PTPRJ: variants seen among roughly 807,000 people sequenced by gnomAD.
The protein encoded by PTPRJ is receptor-type tyrosine-protein phosphatase eta.
In PTPRJ, 129 loss-of-function variants were observed where a neutral mutation model predicts 141.3. The observed-to-expected ratio is 0.91, with a 90% CI of 0.79 to 1.06. The LOEUF is 1.06. Among genes scored for constraint, PTPRJ ranks in the 50% least tolerant of loss-of-function variants. PTPRJ has a pLI of 0.00. For missense variants in PTPRJ, 1,601 were observed against 1,679.7 expected (o/e 0.95, Z 0.82); for synonymous variants, 610 against 640.5 (o/e 0.95, Z 0.72).
rs909078524 is a variant in PTPRJ at position 48,136,913 on chromosome 11, C to T, written c.1874-90C>T. ...CTAGTTTTATTCATTCTTTCTAAAA[C>T]GAGCCAGGCTATTTTTGGATATAGT... On this transcript the variant is annotated intron_variant, in intron 9 of 24. Coordinates refer to ENST00000418331, the MANE Select transcript of PTPRJ (RefSeq NM_002843.4). 4.2e-5 allele frequency: 56 copies of T among 1,325,566 alleles called. No homozygotes were observed. The Middle Eastern group carries it at 5.6e-4, about 13-fold the overall frequency. 82.1% of individuals were successfully genotyped at this position (1,325,566 alleles called of 1,614,324 possible). A position where few individuals can be genotyped will look rare whatever the true frequency, so the allele number is the denominator to read the frequency against.
chr11:48,033,542 C>G (rs1311782176), intron 1 of PTPRJ, among the ~76,000 whole-genome samples: 1 of 152,150 alleles, frequency 6.6e-6, no homozygotes, highest in African/African-American at 2.4e-5. Flanking sequence ...TTGTTGACAT[C>G]TAATCTGTAT....
At position 48,013,612 on chromosome 11, in the gene PTPRJ, C is replaced by A. The variant is rs191900184; in HGVS notation, c.96+32604C>A. Among the ~76,000 whole-genome samples, 63 of 152,294 alleles carry A rather than the reference C, an allele frequency of 4.1e-4. No homozygotes were observed. The East Asian group carries it at 7.9e-3, about 19-fold the overall frequency. On this transcript the variant is annotated intron_variant, in intron 1 of 24. Coordinates refer to ENST00000418331, the MANE Select transcript of PTPRJ (RefSeq NM_002843.4). ...GCCTGACTGCCAGCCTGCTTGCTGGCTCTCTGGGAGTTGGGGTGGTGGCAT... is the reference window on the plus strand; with the variant it reads ...GCCTGACTGCCAGCCTGCTTGCTGGATCTCTGGGAGTTGGGGTGGTGGCAT...
intron 1 of PTPRJ, among the ~76,000 whole-genome samples, chr11:48,045,334 G>A (rs1186636373): frequency 2.0e-5 from 3 of 152,120 alleles, no homozygotes; most frequent in Non-Finnish European, 2.9e-5. Flanking sequence ...TGCTTTCTCT[G>A]CCCTGATCCC....
chr11:48,042,904 G>A (rs906200236), intron 1 of PTPRJ, among the ~76,000 whole-genome samples: 4 of 151,986 alleles, frequency 2.6e-5, no homozygotes, highest in East Asian at 1.9e-4. Flanking sequence ...TGAAATGTAA[G>A]ACCCAAAGAA....
chr11:48,142,158 A>C (rs949848295), intron 11 of PTPRJ, among the ~76,000 whole-genome samples: 1 of 152,152 alleles, frequency 6.6e-6, no homozygotes, highest in Non-Finnish European at 1.5e-5. Context: ...TTGACTGTAT[A>C]TGTGAGAGTT....
At chr11:48,008,723 C>T (rs1400304588) in intron 1 of PTPRJ, among the ~76,000 whole-genome samples, 1 of 152,080 alleles carries the variant, frequency 6.6e-6, no homozygotes, top group African/African-American at 2.4e-5. Context: ...CGCCACCACG[C>T]CCGGCTAATT....
At chr11:48,085,155 T>A (rs1855665223) in intron 1 of PTPRJ, among the ~76,000 whole-genome samples, 1 of 152,188 alleles carries the variant, frequency 6.6e-6, no homozygotes, top group East Asian at 1.9e-4. Flanking sequence ...CTTTACATTA[T>A]TGTAACAGAG....
At chr11:48,007,981 C>T (rs148956910) in intron 1 of PTPRJ, among the ~76,000 whole-genome samples, 3 of 152,332 alleles carry the variant, frequency 2.0e-5, no homozygotes, top group African/African-American at 4.8e-5. Context: ...CTTTCTGCCC[C>T]CTTCTTCCCG....
Position 48,008,721 on chromosome 11 carries a change from C to T in PTPRJ, c.96+27713C>T, listed in dbSNP as rs1316525915. Among the ~76,000 whole-genome samples the T allele has an allele frequency of 3.3e-5, 5 of 152,024 alleles. No homozygotes were observed. In the South Asian group the frequency reaches 6.2e-4, roughly 19 times the overall value. ...CTGAGATTACAGGCATGCGCCACCACGCCCGGCTAATTTTTGTATTTTTCA... is the reference window on the plus strand; with the variant it reads ...CTGAGATTACAGGCATGCGCCACCATGCCCGGCTAATTTTTGTATTTTTCA... On this transcript the variant is annotated intron_variant, in intron 1 of 24. Coordinates refer to ENST00000418331, the MANE Select transcript of PTPRJ (RefSeq NM_002843.4).
intron 1 of PTPRJ, among the ~76,000 whole-genome samples, chr11:48,029,350 T>C (rs1853918252): frequency 6.6e-6 from 1 of 152,240 alleles, no homozygotes; most frequent in South Asian, 2.1e-4. Context: ...ATCAAGGTAA[T>C]GCATTTACAT....
intron 8 of PTPRJ, 106 bp downstream of exon 8, chr11:48,130,822 G>T: frequency 7.9e-7 from 1 of 1,260,776 alleles, no homozygotes; most frequent in Non-Finnish European, 1.0e-6. Flanking sequence ...AATTATCTAA[G>T]AAAAAACTTT....
chr11:48,032,179 C>A (rs1247152587), intron 1 of PTPRJ, among the ~76,000 whole-genome samples: 6 of 152,166 alleles, frequency 3.9e-5, no homozygotes, highest in African/African-American at 1.4e-4. Context: ...TTTCCTGCCC[C>A]CTGCCAGGTT....
chr11:48,076,478 C>G (rs1447167833), intron 1 of PTPRJ, among the ~76,000 whole-genome samples: 1 of 152,164 alleles, frequency 6.6e-6, no homozygotes, highest in Non-Finnish European at 1.5e-5. Flanking sequence ...TCAGGGAGCT[C>G]TTGTGTTCAA....
chr11:47,987,268 A>C (rs1052978006), intron 1 of PTPRJ, among the ~76,000 whole-genome samples: 4 of 152,198 alleles, frequency 2.6e-5, no homozygotes, highest in African/African-American at 7.2e-5. Context: ...AAAGACCCCC[A>C]AAAGTCCATG....
intron 8 of PTPRJ, chr11:48,132,769 T>C: frequency 2.1e-6 from 2 of 960,736 alleles, no homozygotes; most frequent in Non-Finnish European, 1.2e-6. Flanking sequence ...GCTTTTGAGA[T>C]TCTCCTTGAA....
At chr11:48,024,008 T>A (rs760903788) in intron 1 of PTPRJ, among the ~76,000 whole-genome samples, 24 of 151,722 alleles carry the variant, frequency 1.6e-4, no homozygotes, top group Middle Eastern at 3.4e-3. Flanking sequence ...AATAAAAATA[T>A]ATATAAAAAA....
intron 1 of PTPRJ, among the ~76,000 whole-genome samples, chr11:48,047,514 T>G (rs1854441718): frequency 6.8e-6 from 1 of 147,660 alleles, no homozygotes; most frequent in African/African-American, 2.5e-5. Flanking sequence ...TTTTTTTTTC[T>G]TTTTTTTGAG....
intron 1 of PTPRJ, among the ~76,000 whole-genome samples, chr11:48,034,294 C>CT (rs755467544): frequency 1.7e-4 from 25 of 151,262 alleles, no homozygotes; most frequent in Non-Finnish European, 2.5e-4. Flanking sequence ...TAACCAGGGC[C>CT]TTTTTTTTTC....
At chr11:48,026,069 G>A (rs1487492494) in intron 1 of PTPRJ, among the ~76,000 whole-genome samples, 2 of 152,126 alleles carry the variant, frequency 1.3e-5, no homozygotes, top group East Asian at 3.9e-4. Flanking sequence ...ACATCTTTCA[G>A]CTTCTATAGC....
Sources: gnomAD v4.1 joint callset for allele counts (sites outside exome capture counted in the v4.1 genomes callset) on GRCh38, gnomAD v4.1.1 for gene constraint, MANE v1.5 for transcripts, NCBI Gene and HGNC (gene_info 2026-07-23, HGNC 2026-07-21) for gene names.